PDGFD: variants seen among roughly 807,000 people sequenced by gnomAD.
The protein encoded by PDGFD is platelet derived growth factor D.
In PDGFD, 30 loss-of-function variants were observed where a neutral mutation model predicts 44.7. The observed-to-expected ratio is 0.67, with a 90% CI of 0.50 to 0.91. The LOEUF is 0.91. PDGFD is among the 40% of genes least tolerant of loss of function. PDGFD has a pLI of 0.00. For missense variants in PDGFD, 445 were observed against 457.8 expected (o/e 0.97, Z 0.25); for synonymous variants, 173 against 168.4 (o/e 1.03, Z -0.21).
At chr11:104,025,385 C>G (rs1462949638) in intron 1 of PDGFD, among the ~76,000 whole-genome samples, 1 of 152,154 alleles carries the variant, frequency 6.6e-6, no homozygotes, top group Non-Finnish European at 1.5e-5. Flanking sequence ...TTGTTTGACA[C>G]TCTAGAAAAA....
intron 3 of PDGFD, among the ~76,000 whole-genome samples, chr11:103,959,076 A>C (rs1858898174): frequency 6.6e-6 from 1 of 152,182 alleles, no homozygotes; most frequent in Non-Finnish European, 1.5e-5. Context: ...AAACGGGAAC[A>C]TTTTCTAAGA....
chr11:103,986,771 A>C (rs1231689600), intron 3 of PDGFD, among the ~76,000 whole-genome samples: 1 of 152,192 alleles, frequency 6.6e-6, no homozygotes, highest in African/African-American at 2.4e-5. Context: ...AGGACTAAGA[A>C]ATTAGCCACA....
chr11:103,965,259 G>A (rs1858998332), intron 3 of PDGFD, among the ~76,000 whole-genome samples: 1 of 152,092 alleles, frequency 6.6e-6, no homozygotes, highest in Non-Finnish European at 1.5e-5. Flanking sequence ...TGAAGCTACA[G>A]TAAACATATA....
intron 1 of PDGFD, among the ~76,000 whole-genome samples, chr11:104,124,376 T>C (rs1347078580): frequency 2.0e-5 from 3 of 152,072 alleles, no homozygotes; most frequent in Non-Finnish European, 4.4e-5. Context: ...GGCTGTATAA[T>C]ATGGTGGTGA....
intron 3 of PDGFD, among the ~76,000 whole-genome samples, chr11:103,965,114 T>C (rs1858995747): frequency 6.6e-6 from 1 of 152,094 alleles, no homozygotes; most frequent in Non-Finnish European, 1.5e-5. Flanking sequence ...TTATTTTATG[T>C]GAAATGATAT....
chr11:104,151,693 G>T (rs968825069), intron 1 of PDGFD, among the ~76,000 whole-genome samples: 7 of 151,984 alleles, frequency 4.6e-5, no homozygotes, highest in African/African-American at 1.7e-4. Context: ...CCTAAAATTC[G>T]AACACACAAA....
chr11:104,133,141 G>C (rs1329120415), intron 1 of PDGFD, among the ~76,000 whole-genome samples: 1 of 151,998 alleles, frequency 6.6e-6, no homozygotes, highest in African/African-American at 2.4e-5. Context: ...ACTTCCTATG[G>C]TAAGTAGCAC....
At chr11:104,099,974 A>G (rs1165156257) in intron 1 of PDGFD, among the ~76,000 whole-genome samples, 3 of 152,134 alleles carry the variant, frequency 2.0e-5, no homozygotes, top group Non-Finnish European at 4.4e-5. Context: ...AATACCTCTC[A>G]ATCCACAAAT....
At chr11:104,129,249 C>A (rs1861882774) in intron 1 of PDGFD, among the ~76,000 whole-genome samples, 1 of 151,382 alleles carries the variant, frequency 6.6e-6, no homozygotes, top group African/African-American at 2.4e-5. Flanking sequence ...CTTTCAGCAA[C>A]TTCAACCTTT....
chr11:103,964,251 C>T (rs1240553587), intron 3 of PDGFD, among the ~76,000 whole-genome samples: 1 of 152,120 alleles, frequency 6.6e-6, no homozygotes, highest in African/African-American at 2.4e-5. Context: ...ACTGATTCTT[C>T]AGCCTGGATT....
intron 1 of PDGFD, among the ~76,000 whole-genome samples, chr11:104,119,210 AATATAATATATTG>A (rs1861710384): frequency 1.4e-4 from 1 of 7,078 alleles, no homozygotes; most frequent in African/African-American, 2.8e-4. Flanking sequence ...ATAATATATT[AATATAATATATTG>A]ATATAATATA....
At chr11:104,011,788 TG>T (rs960156351) in intron 1 of PDGFD, among the ~76,000 whole-genome samples, 1 of 151,910 alleles carries the variant, frequency 6.6e-6, no homozygotes, top group African/African-American at 2.4e-5. Context: ...TAAATGAGTA[TG>T]GAAAAAGAAA....
At chr11:103,995,053 AT>A (rs908287985) in intron 3 of PDGFD, among the ~76,000 whole-genome samples, 15 of 151,360 alleles carry the variant, frequency 9.9e-5, no homozygotes, top group Admixed American at 8.6e-4. Flanking sequence ...AAATTTTTAA[AT>A]TTTTTTTGTA....
At chr11:104,036,817 C>G (rs1426702111) in intron 1 of PDGFD, 2 of 1,609,966 alleles carry the variant, frequency 1.2e-6, no homozygotes, top group East Asian at 2.2e-5. Flanking sequence ...CGCCCGGGCC[C>G]CCGCCATGCT....
intron 1 of PDGFD, among the ~76,000 whole-genome samples, chr11:104,060,304 T>C (rs1383237774): frequency 6.6e-6 from 1 of 152,190 alleles, no homozygotes; most frequent in Non-Finnish European, 1.5e-5. Context: ...GTCTGACTCA[T>C]GTGGCTTCCT....
chr11:103,967,960 G>A (rs761859261), intron 3 of PDGFD, among the ~76,000 whole-genome samples: 1 of 152,090 alleles, frequency 6.6e-6, no homozygotes, highest in Non-Finnish European at 1.5e-5. Context: ...TCCCATGGCA[G>A]CCTGGTTCTT....
chr11:103,969,733 C>A, intron 3 of PDGFD, among the ~76,000 whole-genome samples: 1 of 151,530 alleles, frequency 6.6e-6, no homozygotes. Flanking sequence ...TATTCACTAC[C>A]CATATTTGGC....
chr11:104,154,310 C>T (rs1689560473), intron 1 of PDGFD, among the ~76,000 whole-genome samples: 1 of 152,144 alleles, frequency 6.6e-6, no homozygotes, highest in Admixed American at 6.6e-5. Flanking sequence ...CTTCAAATAA[C>T]CTAAAACGTG....
At position 104,000,809 on chromosome 11, in the gene PDGFD, G is replaced by A. The variant is rs545694770; in HGVS notation, c.125-554C>T. 2.6e-5 allele frequency among the ~76,000 whole-genome samples: 4 copies of A among 152,172 alleles called. No homozygotes were observed. In the East Asian group the frequency reaches 7.7e-4, roughly 29 times the overall value. On this transcript the variant is annotated intron_variant, in intron 1 of 6. Transcript: ENST00000393158. ...ACGAAAAATCATAATTTTGTGTCTT[G>A]GGTTTTCTATGAGTTAAAATAGGTC... is the stretch of plus-strand genomic sequence containing the variant.
Sources: gnomAD v4.1 joint callset for allele counts (sites outside exome capture counted in the v4.1 genomes callset) on GRCh38, gnomAD v4.1.1 for gene constraint, MANE v1.5 for transcripts, NCBI Gene and HGNC (gene_info 2026-07-23, HGNC 2026-07-21) for gene names.